The following ARPP21 variants were observed in gnomAD, a reference collection of about 807,000 sequenced individuals.
The protein encoded by ARPP21 is cAMP-regulated phosphoprotein 21.
Under a neutral mutation model 113.2 loss-of-function variants are expected in ARPP21, and 69 were observed. The ratio of observed to expected loss-of-function variants is 0.61; its 90% confidence interval spans 0.50 to 0.74. The LOEUF (loss-of-function observed/expected upper bound fraction) is 0.74, where lower values mean the gene tolerates loss of function less well. ARPP21 is among the 30% of genes least tolerant of loss of function. The pLI is 0.00. For synonymous variants in ARPP21, 368 were observed against 375.5 expected, an observed-to-expected ratio of 0.98 and a Z score of 0.23; for missense variants, 1,070 against 1,037.4, an observed-to-expected ratio of 1.03 and a Z score of -0.43.
chr3:35,695,846 A>G (rs1422802366), intron 9 of ARPP21, among the ~76,000 whole-genome samples: 1 of 151,524 alleles, frequency 6.6e-6, no homozygotes, highest in East Asian at 1.9e-4. Flanking sequence ...ACCTAATGAA[A>G]AGGATTTTTT....
At chr3:35,760,884 G>C (rs1000916604) in intron 19 of ARPP21, among the ~76,000 whole-genome samples, 14 of 152,046 alleles carry the variant, frequency 9.2e-5, no homozygotes, top group African/African-American at 3.1e-4. Flanking sequence ...GGATCTTCCT[G>C]AATTTCTGAG....
At chr3:35,758,440 G>T (rs2095649095) in intron 19 of ARPP21, among the ~76,000 whole-genome samples, 1 of 151,916 alleles carries the variant, frequency 6.6e-6, no homozygotes, top group South Asian at 2.1e-4. Context: ...CTTCTGTCAA[G>T]GGCTTTTGTC....
At chr3:35,668,455 G>A (rs1332741334) in intron 1 of ARPP21, among the ~76,000 whole-genome samples, 7 of 151,904 alleles carry the variant, frequency 4.6e-5, no homozygotes, top group Non-Finnish European at 1.0e-4. Flanking sequence ...GGCCTAATCT[G>A]GAATTGGCAT....
chr3:35,703,612 G>A (rs1200881796), intron 9 of ARPP21, among the ~76,000 whole-genome samples: 1 of 151,346 alleles, frequency 6.6e-6, no homozygotes, highest in Non-Finnish European at 1.5e-5. Flanking sequence ...GAGAAAGATA[G>A]AAATAATGCC....
Position 35,715,458 on chromosome 3 carries a change from G to C in ARPP21, c.917G>C (p.Ser306Thr). Residue 306 changes from serine to threonine, a missense_variant, in exon 12 of 21, where the codon AGC (serine) becomes ACC (threonine). Physicochemically the swap from Ser to Thr is moderately conservative, Grantham distance 58. Coordinates refer to ENST00000684406, the MANE Select transcript of ARPP21 (RefSeq NM_001385562.1). Reference protein sequence around the residue: ...FAHDSVCSQESLFVENSRLLE... With the variant: ...FAHDSVCSQETLFVENSRLLE... ...TTTCAGTCAGTTTGCTCCCAGGAAAGCCTTTTTGTGGAAAACAGGTAAAAT... is the reference window on the plus strand; with the variant it reads ...TTTCAGTCAGTTTGCTCCCAGGAAACCCTTTTTGTGGAAAACAGGTAAAAT... 1.2e-6 allele frequency: 2 copies of C among 1,613,074 alleles called. No individual in the cohort carries two copies. Among genetic ancestry groups the C allele is most frequent in the South Asian group, 1.1e-5 (1 of 91,006 alleles).
chr3:35,681,767 G>A lies in ARPP21; in HGVS notation c.16G>A (p.Asp6Asn). The A allele has an allele frequency of 1.2e-6, 2 of 1,611,208 alleles. No individual in the cohort carries two copies. The highest frequency in any genetic ancestry group is 1.7e-6 in the Non-Finnish European group (2 of 1,178,118). The change falls in exon 3 of 21, where the codon GAC becomes AAC. Residue 6 changes from aspartate to asparagine, a missense_variant. Transcript: ENST00000684406. Reference protein sequence around the residue: MSEQGDLNQAIAEEGG... With the variant: MSEQGNLNQAIAEEGG... ...ATCTGGGAGAATGTCTGAGCAAGGA[G>A]ACCTGAATCAGGCAATAGCAGAGGA...
chr3:35,655,294 A>G (rs1046445069), intron 1 of ARPP21, among the ~76,000 whole-genome samples: 22 of 152,116 alleles, frequency 1.4e-4, no homozygotes, highest in African/African-American at 4.6e-4. Context: ...TTCTTATTAT[A>G]AAAAGAATAA....
intron 5 of ARPP21, 173 bp downstream of exon 5, chr3:35,683,988 T>C: frequency 7.1e-7 from 1 of 1,406,502 alleles, no homozygotes; most frequent in Non-Finnish European, 1.0e-6. Context: ...GTTTAATGGT[T>C]TGTCACAGAG....
chr3:35,653,233 C>G (rs1703218432), intron 1 of ARPP21, among the ~76,000 whole-genome samples: 1 of 151,844 alleles, frequency 6.6e-6, no homozygotes, highest in Non-Finnish European at 1.5e-5. Flanking sequence ...GACATTATCT[C>G]TGTTATGATA....
At chr3:35,676,449 C>T (rs62259468) in intron 1 of ARPP21, among the ~76,000 whole-genome samples, 9 of 150,166 alleles carry the variant, frequency 6.0e-5, no homozygotes, top group East Asian at 2.0e-4. Flanking sequence ...CATTTATATT[C>T]CCTGAAATCT....
At chr3:35,710,453 AC>A (rs1249568516) in intron 11 of ARPP21, among the ~76,000 whole-genome samples, 1 of 151,854 alleles carries the variant, frequency 6.6e-6, no homozygotes, top group Admixed American at 6.6e-5. Context: ...CTGTCTGAAG[AC>A]CTTCATAGAG....
At chr3:35,712,143 G>A (rs1376953665) in intron 11 of ARPP21, among the ~76,000 whole-genome samples, 1 of 152,138 alleles carries the variant, frequency 6.6e-6, no homozygotes, top group Admixed American at 6.5e-5. Flanking sequence ...AATGGCTGAG[G>A]CACAAGATCA....
chr3:35,709,127 T>G (rs2150037369), intron 11 of ARPP21, 57 bp downstream of exon 11: 1 of 1,200,526 alleles, frequency 8.3e-7, no homozygotes, highest in South Asian at 1.3e-5. Flanking sequence ...CAGTAAGGCT[T>G]CCTCATTCCC....
At chr3:35,703,820 ATACAT>A (rs1276636331) in intron 9 of ARPP21, among the ~76,000 whole-genome samples, 1 of 151,980 alleles carries the variant, frequency 6.6e-6, no homozygotes, top group African/African-American at 2.4e-5. Flanking sequence ...AAGGTCTACA[ATACAT>A]TATTTTAGTT....
chr3:35,774,141 G>A (rs2096284165), intron 19 of ARPP21, among the ~76,000 whole-genome samples: 1 of 152,104 alleles, frequency 6.6e-6, no homozygotes. Flanking sequence ...TTCCTATCAG[G>A]TGCAGTGCTG....
intron 19 of ARPP21, among the ~76,000 whole-genome samples, chr3:35,747,645 T>C (rs1576571776): frequency 1.3e-5 from 2 of 152,222 alleles, no homozygotes; most frequent in East Asian, 3.9e-4. Context: ...TAGCCAGGCA[T>C]GGTGGTACTT....
chr3:35,734,668 T>C (rs1015388229), intron 15 of ARPP21, among the ~76,000 whole-genome samples: 3 of 152,210 alleles, frequency 2.0e-5, no homozygotes. Context: ...TAATGGGAAA[T>C]ACTAACCTCT....
intron 18 of ARPP21, among the ~76,000 whole-genome samples, chr3:35,741,017 G>T (rs749009542): frequency 2.6e-5 from 4 of 151,966 alleles, no homozygotes; most frequent in African/African-American, 4.8e-5. Flanking sequence ...TGGGAGAATC[G>T]CTTGAGCCTG....
intron 14 of ARPP21, among the ~76,000 whole-genome samples, chr3:35,726,254 T>C (rs181013782): frequency 5.8e-4 from 88 of 152,342 alleles, no homozygotes; most frequent in Non-Finnish European, 1.2e-3. Context: ...TCAATTTCAT[T>C]TTTTAAAAAA....
Sources: allele counts gnomAD v4.1 joint callset (sites outside exome capture counted in the v4.1 genomes callset), GRCh38; gene constraint gnomAD v4.1.1; transcripts MANE v1.5; gene names NCBI Gene and HGNC (gene_info 2026-07-23, HGNC 2026-07-21).